EFR3B: variants seen among roughly 807,000 people sequenced by gnomAD.
EFR3B encodes EFR3 homolog B.
Under a neutral mutation model 104.7 loss-of-function variants are expected in EFR3B, and 64 were observed. The ratio of observed to expected loss-of-function variants is 0.61; its 90% CI spans 0.50 to 0.75. EFR3B has a LOEUF of 0.75. Ranked by LOEUF, EFR3B falls within the 30% of genes least tolerant of loss-of-function variation. The pLI, the probability that EFR3B is intolerant of heterozygous loss-of-function variation, is 0.00. For missense variants in EFR3B, 750 were observed against 1,078.5 expected (o/e 0.70, Z 4.27); for synonymous variants, 385 against 417.9 (o/e 0.92, Z 0.96).
At chr2:25,091,426 C>T (rs749801249) in intron 2 of EFR3B, 25 bp downstream of exon 2, 15 of 1,541,148 alleles carry the variant, frequency 9.7e-6, no homozygotes, top group Middle Eastern at 1.7e-4. Flanking sequence ...TGGCAGGCAT[C>T]GTGGCTCTCA....
At chr2:25,108,376 CTAA>C (rs1187973951) in intron 4 of EFR3B, among the ~76,000 whole-genome samples, 2 of 152,150 alleles carry the variant, frequency 1.3e-5, no homozygotes, top group Non-Finnish European at 2.9e-5. Context: ...AGGGCACTTA[CTAA>C]TGATAAACTA....
chr2:25,080,364 G>A lies in EFR3B; in HGVS notation c.8-10961G>A, dbSNP rs534742639. The stretch of plus-strand genomic sequence containing the variant: ...GGCTGGAGTGCAGTGGCACCATCTC[G>A]GCTCACTGCAACCTCCGCCTCCCAT... On this transcript the variant is annotated intron_variant, in intron 1 of 22. Transcript: ENST00000403714. The A allele has an allele frequency of 7.5e-4, 415 of 553,844 alleles. 1 individual carries two copies. Among genetic ancestry groups the A allele is most frequent in the Non-Finnish European group, 1.1e-3 (350 of 324,548 alleles). The allele number at this position is 553,844 out of a possible 1,614,324, so 34.3% of individuals were successfully genotyped here.
At chr2:25,145,138 C>T in intron 19 of EFR3B, 87 bp downstream of exon 19, 1 of 1,183,604 alleles carries the variant, frequency 8.4e-7, no homozygotes, top group Non-Finnish European at 1.2e-6. Context: ...GCATAGTGGG[C>T]TTAAGGCTGC....
At position 25,083,242 on chromosome 2, in the gene EFR3B, G is replaced by A. The variant is rs116451703; in HGVS notation, c.8-8083G>A. On this transcript the variant is annotated intron_variant, in intron 1 of 22. Coordinates refer to ENST00000403714, the MANE Select transcript of EFR3B (RefSeq NM_014971.2). ...ACCTTCAGCTACTGTGGTTGGATCT[G>A]CCAGACACGATCCCTAGAGAGTGAA... 5.8e-3 allele frequency among the ~76,000 whole-genome samples: 879 copies of A among 152,294 alleles called. 12 individuals carry two copies. Among genetic ancestry groups the A allele is most frequent in the African/African-American group, 0.02 (815 of 41,560 alleles).
intron 1 of EFR3B, among the ~76,000 whole-genome samples, chr2:25,085,234 T>C (rs1309237816): frequency 2.6e-5 from 4 of 152,196 alleles, no homozygotes; most frequent in Admixed American, 6.5e-5. Context: ...TGTTATTGTA[T>C]TGATAAGGAA....
chr2:25,128,253 A>C lies in EFR3B; in HGVS notation c.556A>C (p.Asn186His), dbSNP rs1670220951. The C allele has an allele frequency of 6.4e-7, 1 of 1,551,696 alleles. No individual in the cohort carries two copies. Among genetic ancestry groups the C allele is most frequent in the East Asian group, 2.4e-5 (1 of 40,936 alleles). ...RKTVNDELQA[N>H]IWDPQHMDKI... ...GACGGTGAATGATGAACTGCAGGCC[A>C]ATATCTGGGACCCACAGCACATGGA... The change falls in exon 6 of 23, where the codon AAT becomes CAT. Residue 186 changes from asparagine to histidine, a missense_variant. Physicochemically the swap from Asn to His is moderately conservative, Grantham distance 68. Coordinates refer to ENST00000403714, the MANE Select transcript of EFR3B (RefSeq NM_014971.2).
At chr2:25,129,690 T>C (rs936320117) in intron 6 of EFR3B, among the ~76,000 whole-genome samples, 13 of 152,192 alleles carry the variant, frequency 8.5e-5, no homozygotes, top group African/African-American at 2.9e-4. Flanking sequence ...ACCTGGCCCA[T>C]GGGGCTCAGA....
Position 25,157,758 on chromosome 2 carries a change from C to T in EFR3B, c.*3418C>T, listed in dbSNP as rs1671213536. 1 of 152,238 alleles carries T rather than the reference C, an allele frequency of 6.6e-6. No homozygotes were observed. The highest frequency in any genetic ancestry group is 1.5e-5 in the Non-Finnish European group (1 of 68,066). 9.4% of individuals were successfully genotyped at this position (152,238 alleles called of 1,614,324 possible). On this transcript the variant is annotated 3_prime_UTR_variant, in exon 23 of 23. Transcript: ENST00000403714. ...CCCGAGGCTCCCTCTGTTTTCCTTG[C>T]CATGGAGTCCCCAGCGCCTTGTGCC...
chr2:25,106,354 A>T (rs907981152), intron 4 of EFR3B, among the ~76,000 whole-genome samples: 9 of 151,554 alleles, frequency 5.9e-5, no homozygotes, highest in African/African-American at 1.9e-4. Context: ...CACTGGCATG[A>T]TCTCGGCTCA....
chr2:25,075,662 T>TCAACA (rs1668612261), intron 1 of EFR3B, among the ~76,000 whole-genome samples: 2 of 152,206 alleles, frequency 1.3e-5, no homozygotes, highest in Admixed American at 1.3e-4. Flanking sequence ...CAATATAAGG[T>TCAACA]ATTTGCAGGC....
intron 4 of EFR3B, among the ~76,000 whole-genome samples, chr2:25,117,060 C>T (rs568013850): frequency 2.6e-5 from 4 of 152,202 alleles, no homozygotes; most frequent in South Asian, 2.1e-4. Flanking sequence ...CGCCACGGCT[C>T]GCTGAGGAAG....
At chr2:25,052,156 A>G (rs1048777414) in intron 1 of EFR3B, among the ~76,000 whole-genome samples, 2 of 151,440 alleles carry the variant, frequency 1.3e-5, no homozygotes, top group Non-Finnish European at 2.9e-5. Flanking sequence ...AGATCACACC[A>G]TTGGGCTCCA....
intron 1 of EFR3B, among the ~76,000 whole-genome samples, chr2:25,053,496 G>T (rs900291991): frequency 7.9e-5 from 12 of 152,338 alleles, no homozygotes; most frequent in Admixed American, 2.6e-4. Flanking sequence ...GATGGGCAGT[G>T]TTCTTAGAGA....
At position 25,131,953 on chromosome 2, in the gene EFR3B, G is replaced by A. The variant is rs779644499; in HGVS notation, c.1147+42G>A. On this transcript the variant is annotated intron_variant, in intron 10 of 22. Transcript: ENST00000403714. This position sits in a 1 kb window ranked among gnomAD's most constrained non-coding sequence, Gnocchi z 7.6. ...GGCCGGGGCGGGGCGGGGCCGAGGC[G>A]CGGAGTGGGGAGGGGAGGGGAGGGA... 173 of 1,376,024 alleles carry A rather than the reference G, an allele frequency of 1.3e-4. No individual in the cohort carries two copies. Among genetic ancestry groups the A allele is most frequent in the Admixed American group, 2.5e-4 (8 of 31,418 alleles). The allele number at this position is 1,376,024 out of a possible 1,614,324, so 85.2% of individuals were successfully genotyped here. A position where few individuals can be genotyped will look rare whatever the true frequency, so the allele number is the denominator to read the frequency against.
chr2:25,095,963 G>C (rs1279822679), intron 3 of EFR3B, among the ~76,000 whole-genome samples: 1 of 152,166 alleles, frequency 6.6e-6, no homozygotes, highest in Non-Finnish European at 1.5e-5. Context: ...TCATGGAGCT[G>C]AGGGTTGGGT....
At chr2:25,151,181 C>T (rs535345392) in intron 20 of EFR3B, among the ~76,000 whole-genome samples, 13 of 152,214 alleles carry the variant, frequency 8.5e-5, no homozygotes, top group African/African-American at 2.6e-4. Context: ...TAAATGGCCT[C>T]GGGCTGCCCT....
At chr2:25,060,483 T>G (rs775465448) in intron 1 of EFR3B, among the ~76,000 whole-genome samples, 1 of 152,004 alleles carries the variant, frequency 6.6e-6, no homozygotes, top group Non-Finnish European at 1.5e-5. Context: ...AAAGAAAGTT[T>G]GGATAAAATT....
chr2:25,130,536 G>A lies in EFR3B; in HGVS notation c.771-16G>A, dbSNP rs776683522. 40 of 1,549,604 alleles carry A rather than the reference G, an allele frequency of 2.6e-5. No individual in the cohort carries two copies. The South Asian group carries it at 3.3e-4, about 13-fold the overall frequency. On this transcript the variant is annotated splice_polypyrimidine_tract_variant and intron_variant, in intron 7 of 22. Coordinates refer to ENST00000403714, the MANE Select transcript of EFR3B (RefSeq NM_014971.2). This position sits in a 1 kb window ranked among gnomAD's most constrained non-coding sequence, Gnocchi z 4.6. ...GGGAGTTTCATAGTTGTTCCCCCAC[G>A]TTTTCTCCCTCACAGCCATCTGGAT...
At chr2:25,053,463 A>G (rs1472167861) in intron 1 of EFR3B, among the ~76,000 whole-genome samples, 1 of 152,200 alleles carries the variant, frequency 6.6e-6, no homozygotes, top group Non-Finnish European at 1.5e-5. Flanking sequence ...GTCACCACCA[A>G]GGCTGGGCCA....
Sources: gnomAD v4.1 joint callset for allele counts (sites outside exome capture counted in the v4.1 genomes callset) on GRCh38, gnomAD v4.1.1 for gene constraint, Gnocchi (gnomAD v3.1) non-coding constraint, MANE v1.5 for transcripts, NCBI Gene and HGNC (gene_info 2026-07-23, HGNC 2026-07-21) for gene names.